The following CPNE4 variants were observed in gnomAD, a reference collection of about 807,000 sequenced individuals.
The protein encoded by CPNE4 is copine-4.
Under a neutral mutation model 67.9 loss-of-function variants are expected in CPNE4, and 25 were observed. That is an observed-to-expected ratio of 0.37 (90% CI 0.27 to 0.51). The LOEUF (loss-of-function observed/expected upper bound fraction) is 0.51. CPNE4 is among the 20% of genes least tolerant of loss of function. The pLI is 0.93. For missense variants in CPNE4, 464 were observed against 690.8 expected (o/e 0.67, Z 3.68); for synonymous variants, 242 against 244.9 (o/e 0.99, Z 0.11).
intron 2 of CPNE4, among the ~76,000 whole-genome samples, chr3:131,751,803 G>A (rs796831252): frequency 4.7e-5 from 7 of 147,590 alleles, no homozygotes; most frequent in Non-Finnish European, 9.0e-5. Context: ...TTGTTTTTTC[G>A]ACACTGCTTT....
intron 2 of CPNE4, among the ~76,000 whole-genome samples, chr3:131,751,615 T>C (rs555843529): frequency 2.1e-3 from 319 of 152,334 alleles, no homozygotes; most frequent in African/African-American, 7.3e-3. Flanking sequence ...CAGATAATTT[T>C]AACATCTCTG....
intron 7 of CPNE4, among the ~76,000 whole-genome samples, chr3:131,588,985 C>A (rs1938362692): frequency 6.6e-6 from 1 of 152,166 alleles, no homozygotes; most frequent in African/African-American, 2.4e-5. Context: ...GCTAGCAGGT[C>A]TTCCAAGGTC....
chr3:131,624,084 A>T (rs56838617), intron 7 of CPNE4, among the ~76,000 whole-genome samples: 41,939 of 151,894 alleles, frequency 0.28, 9,540 homozygotes, highest in African/African-American at 0.63. Context: ...TGCTTTACTC[A>T]CTGCTATTGG....
chr3:131,889,847 T>C (rs1208795586), intron 2 of CPNE4, among the ~76,000 whole-genome samples: 1 of 152,178 alleles, frequency 6.6e-6, no homozygotes, highest in African/African-American at 2.4e-5. Flanking sequence ...TGGAGAAGGA[T>C]AGTCTCTTCA....
chr3:131,730,745 A>G (rs184227599), intron 2 of CPNE4, among the ~76,000 whole-genome samples: 1 of 152,286 alleles, frequency 6.6e-6, no homozygotes, highest in East Asian at 1.9e-4. Flanking sequence ...AATGCCAAAG[A>G]TTTCCAGCAA....
intron 2 of CPNE4, among the ~76,000 whole-genome samples, chr3:131,776,194 C>G (rs2083285840): frequency 7.1e-6 from 1 of 140,552 alleles, no homozygotes; most frequent in Non-Finnish European, 1.6e-5. Context: ...ACCAATGAAG[C>G]ATCTTACTCA....
chr3:131,639,695 A>C (rs1582939267), intron 7 of CPNE4, among the ~76,000 whole-genome samples: 1 of 152,190 alleles, frequency 6.6e-6, no homozygotes, highest in South Asian at 2.1e-4. Flanking sequence ...CCAGGGAGGG[A>C]TACAACAAAA....
chr3:131,724,596 G>C (rs769472379), intron 2 of CPNE4, among the ~76,000 whole-genome samples: 1 of 152,174 alleles, frequency 6.6e-6, no homozygotes, highest in South Asian at 2.1e-4. Flanking sequence ...AGAACAGAGA[G>C]GTGCAGGCAT....
At chr3:131,938,378 A>T (rs893253283) in intron 1 of CPNE4, among the ~76,000 whole-genome samples, 4 of 152,060 alleles carry the variant, frequency 2.6e-5, no homozygotes, top group Admixed American at 1.3e-4. Flanking sequence ...CATTAAAAAA[A>T]TTTTTAAATA....
chr3:131,574,363 T>G (rs1937489019), intron 10 of CPNE4, among the ~76,000 whole-genome samples: 1 of 152,090 alleles, frequency 6.6e-6, no homozygotes, highest in African/African-American at 2.4e-5. Context: ...ATTAAGTCAG[T>G]GAAAGTCAGT....
At chr3:131,702,070 A>G (rs1190356706) in intron 3 of CPNE4, among the ~76,000 whole-genome samples, 2 of 152,200 alleles carry the variant, frequency 1.3e-5, no homozygotes, top group East Asian at 3.9e-4. Context: ...AAATGCAAGA[A>G]GTCCAGAGAA....
chr3:131,733,285 G>T (rs1444670061), intron 2 of CPNE4, among the ~76,000 whole-genome samples: 1 of 152,118 alleles, frequency 6.6e-6, no homozygotes, highest in Non-Finnish European at 1.5e-5. Flanking sequence ...AAACACCATC[G>T]TCTGGGCAAC....
At chr3:131,585,526 C>A (rs1938123183) in intron 8 of CPNE4, among the ~76,000 whole-genome samples, 1 of 152,056 alleles carries the variant, frequency 6.6e-6, no homozygotes, top group Admixed American at 6.5e-5. Context: ...TAAACGATTT[C>A]TCTCTGTTTG....
intron 1 of CPNE4, among the ~76,000 whole-genome samples, chr3:131,906,247 GT>G (rs995462034): frequency 6.7e-6 from 1 of 148,694 alleles, no homozygotes; most frequent in Admixed American, 6.7e-5. Flanking sequence ...TTTTGTTTTT[GT>G]TTTTTTGTTT....
chr3:131,933,024 G>T (rs762709889), intron 1 of CPNE4, among the ~76,000 whole-genome samples: 1 of 152,110 alleles, frequency 6.6e-6, no homozygotes, highest in Non-Finnish European at 1.5e-5. Context: ...AAAAAGAATA[G>T]CATGCAAAGT....
At chr3:131,574,557 G>A (rs1038602407) in intron 10 of CPNE4, among the ~76,000 whole-genome samples, 18 of 152,112 alleles carry the variant, frequency 1.2e-4, no homozygotes, top group Non-Finnish European at 1.9e-4. Context: ...CCTTGACCTC[G>A]GCCTGGTTCT....
chr3:131,766,405 G>T (rs772619450), intron 2 of CPNE4, among the ~76,000 whole-genome samples: 6 of 152,118 alleles, frequency 3.9e-5, no homozygotes, highest in Non-Finnish European at 8.8e-5. Context: ...CTTAGTCAAA[G>T]ATGTCATTAT....
intron 2 of CPNE4, among the ~76,000 whole-genome samples, chr3:131,725,908 C>A (rs1312323433): frequency 6.6e-6 from 1 of 152,200 alleles, no homozygotes; most frequent in African/African-American, 2.4e-5. Flanking sequence ...AGGCCTTTCT[C>A]CTTCATTTAA....
chr3:131,757,216 A>G (rs1056528259), intron 2 of CPNE4, among the ~76,000 whole-genome samples: 4 of 152,214 alleles, frequency 2.6e-5, no homozygotes, highest in Admixed American at 1.3e-4. Context: ...AGAAGAAGAC[A>G]GGAAAATGTG....
Sources: gnomAD v4.1 joint callset for allele counts (sites outside exome capture counted in the v4.1 genomes callset) on GRCh38, gnomAD v4.1.1 for gene constraint, MANE v1.5 for transcripts, NCBI Gene and HGNC (gene_info 2026-07-23, HGNC 2026-07-21) for gene names.